INPP4A: variants seen among roughly 807,000 people sequenced by gnomAD.
The protein encoded by INPP4A is inositol polyphosphate-4-phosphatase type I A.
A neutral mutation model predicts 119.8 loss-of-function variants in INPP4A; 33 were observed. The observed-to-expected ratio is 0.28, with a 90% confidence interval of 0.21 to 0.37. INPP4A has a LOEUF of 0.37. INPP4A is among the 10% of genes least tolerant of loss of function. INPP4A has a pLI of 1.00. For synonymous variants in INPP4A, 496 were observed against 500.7 expected, an observed-to-expected ratio of 0.99 and a Z score of 0.12; for missense variants, 956 against 1,289.9, an observed-to-expected ratio of 0.74 and a Z score of 3.97.
At chr2:98,513,003 G>A (rs763131097) in intron 1 of INPP4A, among the ~76,000 whole-genome samples, 1 of 152,156 alleles carries the variant, frequency 6.6e-6, no homozygotes, top group African/African-American at 2.4e-5. Flanking sequence ...AAAAGGTTAA[G>A]ATCTTTCCTA....
chr2:98,586,254 T>C (rs920704037), intron 24 of INPP4A, among the ~76,000 whole-genome samples: 1 of 152,180 alleles, frequency 6.6e-6, no homozygotes, highest in Non-Finnish European at 1.5e-5. Flanking sequence ...TAAAAAATAC[T>C]GTCTTACCAA....
intron 1 of INPP4A, among the ~76,000 whole-genome samples, chr2:98,496,321 C>T (rs942938489): frequency 2.6e-5 from 4 of 152,108 alleles, no homozygotes; most frequent in Admixed American, 2.6e-4. Flanking sequence ...GGGATATCCA[C>T]GTACAGAAGA....
intron 14 of INPP4A, among the ~76,000 whole-genome samples, chr2:98,553,420 C>T (rs1385557053): frequency 4.6e-5 from 7 of 152,096 alleles, no homozygotes; most frequent in Non-Finnish European, 8.8e-5. Context: ...TTCTACTTAG[C>T]CATAACTTGA....
At chr2:98,492,575 G>A (rs1437780498) in intron 1 of INPP4A, among the ~76,000 whole-genome samples, 7 of 152,310 alleles carry the variant, frequency 4.6e-5, no homozygotes, top group Non-Finnish European at 4.4e-5. Context: ...ATCTCAAAGG[G>A]GTGAGAGAGC....
In INPP4A at chr2:98,554,520, T is replaced by C. The variant is rs777631080; in HGVS notation, c.1566+31T>C. The C allele has an allele frequency of 2.0e-5, 31 of 1,587,302 alleles. No individual in the cohort carries two copies. Among genetic ancestry groups the C allele is most frequent in the Non-Finnish European group, 2.3e-5 (27 of 1,161,150 alleles). On this transcript the variant is annotated intron_variant, in intron 15 of 24. Transcript: ENST00000409851. The surrounding 1 kb of genome is among the most constrained non-coding windows in gnomAD (Gnocchi z 4.7). ...TCTGCTGCTGTGGCTGTCATCCCAC[T>C]GCTGAACTTGGGCTGAAAACCACAA...
chr2:98,453,067 AC>A (rs753980358), intron 1 of INPP4A, among the ~76,000 whole-genome samples: 9 of 152,198 alleles, frequency 5.9e-5, no homozygotes, highest in Non-Finnish European at 8.8e-5. Flanking sequence ...TACAACTCCA[AC>A]TTGATGTTTG....
chr2:98,511,256 C>T (rs566084799), intron 1 of INPP4A, among the ~76,000 whole-genome samples: 1 of 152,262 alleles, frequency 6.6e-6, no homozygotes, highest in Admixed American at 6.5e-5. Context: ...AAAGGGGTTT[C>T]ACCACGTTGG....
chr2:98,537,796 C>G (rs1690612155), intron 7 of INPP4A, 67 bp from the exon 8 acceptor site: 1 of 1,235,208 alleles, frequency 8.1e-7, no homozygotes, highest in South Asian at 1.3e-5. Flanking sequence ...ACGGCTAGGG[C>G]TTTGTATTTC....
chr2:98,537,948 C>T lies in INPP4A; in HGVS notation c.553C>T (p.Arg185Trp), dbSNP rs754710023. The T allele has an allele frequency of 2.0e-5, 33 of 1,611,456 alleles. No homozygotes were observed. The highest frequency in any genetic ancestry group is 2.3e-5 in the Non-Finnish European group (27 of 1,178,606). The stretch of plus-strand genomic sequence containing the variant: ...GTCAGACCAACGGCCCCCTGTGACC[C>T]GGTCTGTGGACACTGTCAATGGGAG... ...EKSDQRPPVTRSVDTVNGRMV... is the reference protein window; with the variant it reads ...EKSDQRPPVTWSVDTVNGRMV... Residue 185 changes from arginine to tryptophan, a missense_variant, in exon 8 of 25, where the codon CGG (arginine) becomes TGG (tryptophan). Physicochemically the swap from Arg to Trp is moderately radical, Grantham distance 101 (BLOSUM62 -3). Transcript: ENST00000409851.
At chr2:98,466,993 C>G (rs559620788) in intron 1 of INPP4A, among the ~76,000 whole-genome samples, 2 of 152,324 alleles carry the variant, frequency 1.3e-5, no homozygotes, top group East Asian at 3.9e-4. Flanking sequence ...GTTTACTTGG[C>G]TCACAATTCT....
At chr2:98,485,728 T>G (rs1442563603) in intron 1 of INPP4A, among the ~76,000 whole-genome samples, 1 of 152,244 alleles carries the variant, frequency 6.6e-6, no homozygotes, top group African/African-American at 2.4e-5. Flanking sequence ...ACTTTTTTGA[T>G]TCATCACCCT....
At chr2:98,552,633 A>G in intron 13 of INPP4A, 153 bp from the exon 14 acceptor site, 1 of 753,918 alleles carries the variant, frequency 1.3e-6, no homozygotes, top group Non-Finnish European at 2.4e-6. Flanking sequence ...CCTAAGATAT[A>G]CTTTGCTCAT....
At chr2:98,545,012 C>G (rs1692211259) in intron 11 of INPP4A, among the ~76,000 whole-genome samples, 1 of 152,230 alleles carries the variant, frequency 6.6e-6, no homozygotes, top group African/African-American at 2.4e-5. Context: ...CAGAGCTTCT[C>G]AAATGTCACT....
At chr2:98,527,458 C>T (rs141388500) in intron 4 of INPP4A, among the ~76,000 whole-genome samples, 33 of 152,278 alleles carry the variant, frequency 2.2e-4, no homozygotes, top group African/African-American at 7.7e-4. Context: ...CCAAAAAAAC[C>T]TTAAAAGGGA....
chr2:98,489,130 G>A (rs1288209583), intron 1 of INPP4A, among the ~76,000 whole-genome samples: 2 of 152,052 alleles, frequency 1.3e-5, no homozygotes, highest in African/African-American at 4.8e-5. Flanking sequence ...CTCAGTGACT[G>A]ACCAGTTTGG....
chr2:98,554,167 G>A lies in INPP4A; in HGVS notation c.1348-104G>A. On this transcript the variant is annotated intron_variant, in intron 14 of 24. Coordinates refer to ENST00000409851, the MANE Select transcript of INPP4A (RefSeq NM_001134225.2). This position sits in a 1 kb window ranked among gnomAD's most constrained non-coding sequence, Gnocchi z 4.7. Reference sequence around the variant, plus strand: ...TTGCACTGTGGAGAAAGGCAGAGGGGTGCAGTGCTGGGCTTTAAGCCCATT... The same window carrying A: ...TTGCACTGTGGAGAAAGGCAGAGGGATGCAGTGCTGGGCTTTAAGCCCATT... The A allele has an allele frequency of 1.2e-6, 1 of 805,842 alleles. No individual in the cohort carries two copies. Among genetic ancestry groups the A allele is most frequent in the Non-Finnish European group, 2.0e-6 (1 of 507,306 alleles). 49.9% of individuals were successfully genotyped at this position (805,842 alleles called of 1,614,324 possible).
chr2:98,548,338 C>T (rs940205413), intron 13 of INPP4A, among the ~76,000 whole-genome samples: 4 of 152,196 alleles, frequency 2.6e-5, no homozygotes, highest in African/African-American at 9.7e-5. Context: ...GATTTGCTGA[C>T]TCCAGGTCCC....
chr2:98,582,773 C>T (rs545356635), intron 24 of INPP4A, among the ~76,000 whole-genome samples: 41 of 151,530 alleles, frequency 2.7e-4, no homozygotes, highest in African/African-American at 9.7e-4. Context: ...CTACTGCATA[C>T]ACCAGACAGA....
intron 8 of INPP4A, 85 bp from the exon 9 acceptor site, chr2:98,538,806 T>G: frequency 1.3e-6 from 1 of 760,660 alleles, no homozygotes; most frequent in Non-Finnish European, 2.3e-6. Flanking sequence ...TCTGTTATGA[T>G]GTATTTAGGC....
Sources: allele counts gnomAD v4.1 joint callset (sites outside exome capture counted in the v4.1 genomes callset), GRCh38; gene constraint gnomAD v4.1.1; non-coding constraint Gnocchi (gnomAD v3.1); transcripts MANE v1.5; gene names NCBI Gene and HGNC (gene_info 2026-07-23, HGNC 2026-07-21).